FAM120A: variants seen among roughly 807,000 people sequenced by gnomAD.
FAM120A encodes family with sequence similarity 120 member A.
FAM120A carries 15 observed loss-of-function variants against 109.7 expected under a neutral mutation model. The observed-to-expected ratio is 0.14, with a 90% CI of 0.09 to 0.21. The LOEUF is 0.21. Ranked by LOEUF, FAM120A falls within the 10% of genes least tolerant of loss-of-function variation. FAM120A has a pLI of 1.00. For synonymous variants in FAM120A, 493 were observed against 572.8 expected (o/e 0.86, Z 1.99); for missense variants, 899 against 1,439.3 (o/e 0.62, Z 6.07).
chr9:93,525,280 G>A (rs1349544914), intron 7 of FAM120A, among the ~76,000 whole-genome samples: 3 of 150,728 alleles, frequency 2.0e-5, no homozygotes, highest in Non-Finnish European at 4.4e-5. Context: ...CTGGCATGGT[G>A]CCTCGGCTCT....
At chr9:93,551,777 G>A (rs1862107850) in intron 12 of FAM120A, among the ~76,000 whole-genome samples, 1 of 152,068 alleles carries the variant, frequency 6.6e-6, no homozygotes, top group Non-Finnish European at 1.5e-5. Context: ...GAGACTTCTT[G>A]TGACTTAGAA....
chr9:93,537,662 C>T (rs1013939625), intron 10 of FAM120A, among the ~76,000 whole-genome samples: 4 of 151,544 alleles, frequency 2.6e-5, no homozygotes, highest in African/African-American at 9.7e-5. Context: ...CAAGAAAAGC[C>T]GAAAGGAGCA....
chr9:93,557,054 T>G (rs1261231055), intron 13 of FAM120A, among the ~76,000 whole-genome samples: 2 of 152,136 alleles, frequency 1.3e-5, no homozygotes, highest in Non-Finnish European at 2.9e-5. Context: ...CACAGCCTCC[T>G]TATGCATTTA....
chr9:93,464,799 CCCCTTTG>C, intron 1 of FAM120A, among the ~76,000 whole-genome samples: 2 of 152,298 alleles, frequency 1.3e-5, no homozygotes, highest in East Asian at 3.9e-4. Context: ...ATGACTTTAC[CCCCTTTG>C]AAGGGCTACC....
intron 3 of FAM120A, among the ~76,000 whole-genome samples, chr9:93,490,170 C>T (rs2131324583): frequency 6.6e-6 from 1 of 152,306 alleles, no homozygotes; most frequent in East Asian, 1.9e-4. Context: ...TGCCAAAATG[C>T]AGAGTACTTC....
intron 7 of FAM120A, among the ~76,000 whole-genome samples, chr9:93,517,967 C>T (rs1809332571): frequency 6.6e-6 from 1 of 152,116 alleles, no homozygotes. Flanking sequence ...GGCATCTGAC[C>T]TCTCCAAGTG....
At chr9:93,559,774 G>T (rs984287439) in intron 15 of FAM120A, among the ~76,000 whole-genome samples, 6 of 152,202 alleles carry the variant, frequency 3.9e-5, no homozygotes, top group Non-Finnish European at 7.3e-5. Context: ...AGGGGAGATT[G>T]TACTATGGAT....
intron 3 of FAM120A, among the ~76,000 whole-genome samples, chr9:93,479,773 A>G (rs1858716612): frequency 6.6e-6 from 1 of 152,190 alleles, no homozygotes. Flanking sequence ...CAATTTCACT[A>G]CATGCATTCA....
chr9:93,452,824 A>G lies in FAM120A; in HGVS notation c.474+435A>G. On this transcript the variant is annotated intron_variant, in intron 1 of 17. Coordinates refer to ENST00000277165, the MANE Select transcript of FAM120A (RefSeq NM_014612.5). The surrounding 1 kb of genome is among the most constrained non-coding windows in gnomAD (Gnocchi z 7.0). The stretch of plus-strand genomic sequence containing the variant: ...TTCATCTTGGAAGCAGGCAGGATAC[A>G]GAGTAATAGAGGGGGTTTCGCCAGA... 2 of 1,554,642 alleles carry G rather than the reference A, an allele frequency of 1.3e-6. No individual in the cohort carries two copies. Among genetic ancestry groups the G allele is most frequent in the Non-Finnish European group, 8.6e-7 (1 of 1,159,548 alleles).
chr9:93,559,448 A>C (rs1862400723), intron 15 of FAM120A, among the ~76,000 whole-genome samples: 1 of 152,194 alleles, frequency 6.6e-6, no homozygotes, highest in Admixed American at 6.5e-5. Flanking sequence ...TCTCTTGATC[A>C]ACAATGTTTT....
Position 93,532,340 on chromosome 9 carries a change from T to C in FAM120A, c.1909+11T>C. On this transcript the variant is annotated intron_variant, in intron 10 of 17. Transcript: ENST00000277165. This position sits in a 1 kb window ranked among gnomAD's most constrained non-coding sequence, Gnocchi z 4.3. ...GACTTCCACCAGAATGTATGTACTG[T>C]AACAATCCATTGTTTGTTTTCCTCG... 6.2e-7 allele frequency: 1 copy of C among 1,613,648 alleles called. No homozygotes were observed. Among genetic ancestry groups the C allele is most frequent in the Non-Finnish European group, 8.5e-7 (1 of 1,179,526 alleles).
At chr9:93,490,133 C>T (rs554316396) in intron 3 of FAM120A, among the ~76,000 whole-genome samples, 1 of 152,316 alleles carries the variant, frequency 6.6e-6, no homozygotes, top group Admixed American at 6.5e-5. Context: ...TTGACCAAAT[C>T]GAGCTTCCAT....
intron 1 of FAM120A, among the ~76,000 whole-genome samples, chr9:93,454,843 A>C (rs891360305): frequency 6.6e-6 from 1 of 152,258 alleles, no homozygotes; most frequent in Non-Finnish European, 1.5e-5. Context: ...AAACCATGAT[A>C]TCACTACATG....
chr9:93,524,836 G>A (rs558863131), intron 7 of FAM120A, among the ~76,000 whole-genome samples: 36 of 152,266 alleles, frequency 2.4e-4, no homozygotes, highest in Non-Finnish European at 4.4e-4. Context: ...CACAGTGCCC[G>A]GGTCACTGAC....
chr9:93,486,376 C>T (rs1431750647), intron 3 of FAM120A, among the ~76,000 whole-genome samples: 3 of 151,842 alleles, frequency 2.0e-5, no homozygotes, highest in Non-Finnish European at 4.4e-5. Context: ...TTATTTGTAC[C>T]TTTTGGCAAT....
rs1035005791 is a variant in FAM120A, at chr9:93,527,389, A to T, written c.1506+147A>T. ...CAAAGGGGATAAGCGGGAAAGGAAGAGTTCAGAGCTATGCCCAAGCCGGCT... is the reference window on the plus strand; with the variant it reads ...CAAAGGGGATAAGCGGGAAAGGAAGTGTTCAGAGCTATGCCCAAGCCGGCT... On this transcript the variant is annotated intron_variant, in intron 8 of 17. Coordinates refer to ENST00000277165, the MANE Select transcript of FAM120A (RefSeq NM_014612.5). The T allele has an allele frequency of 6.3e-5, 39 of 621,464 alleles. No homozygotes were observed. In the Admixed American group the frequency reaches 7.6e-4, roughly 12 times the overall value. The allele number at this position is 621,464 out of a possible 1,614,324, so 38.5% of individuals were successfully genotyped here.
Position 93,543,227 on chromosome 9 carries a change from C to A in FAM120A, c.1915C>A (p.Pro639Thr). The part of the protein sequence containing the change: ...RKNRLPPEFS[P>T]VIIKEWAAYK... The stretch of plus-strand genomic sequence containing the variant: ...CTGGCTTTTTTTTCCTGTAGTTTCA[C>A]CAGTGATCATTAAAGAATGGGCAGC... Residue 639 changes from proline (P) to threonine (T), a missense_variant, in exon 11 of 18, where the codon CCA becomes ACA. Transcript: ENST00000277165. The A allele has an allele frequency of 6.2e-7, 1 of 1,613,688 alleles. No homozygotes were observed. The highest frequency in any genetic ancestry group is 8.5e-7 in the Non-Finnish European group (1 of 1,179,716).
intron 10 of FAM120A, among the ~76,000 whole-genome samples, chr9:93,542,653 T>C (rs1429937715): frequency 6.6e-6 from 1 of 152,222 alleles, no homozygotes; most frequent in African/African-American, 2.4e-5. Flanking sequence ...ACTTCAAAAC[T>C]TGGAATATTT....
chr9:93,519,034 C>T (rs1860731439), intron 7 of FAM120A, among the ~76,000 whole-genome samples: 1 of 152,046 alleles, frequency 6.6e-6, no homozygotes, highest in Non-Finnish European at 1.5e-5. Flanking sequence ...AGGTTAGACA[C>T]TCCTGATCCA....
Sources: allele counts gnomAD v4.1 joint callset (sites outside exome capture counted in the v4.1 genomes callset), GRCh38; gene constraint gnomAD v4.1.1; non-coding constraint Gnocchi (gnomAD v3.1); transcripts MANE v1.5; gene names NCBI Gene and HGNC (gene_info 2026-07-23, HGNC 2026-07-21).